EYA1: variants seen among roughly 807,000 people sequenced by gnomAD.
EYA1 encodes protein phosphatase EYA1.
In EYA1, 16 loss-of-function variants were observed where a neutral mutation model predicts 82.0. The observed-to-expected ratio is 0.20, with a 90% CI of 0.13 to 0.30. The LOEUF is 0.30. EYA1 is among the 10% of genes least tolerant of loss of function. EYA1 has a pLI of 1.00. For synonymous variants in EYA1, 261 were observed against 264.4 expected (o/e 0.99, Z 0.12); for missense variants, 633 against 730.7 (o/e 0.87, Z 1.54).
intron 2 of EYA1, among the ~76,000 whole-genome samples, chr8:71,474,770 C>T (rs540963768): frequency 1.1e-4 from 16 of 152,056 alleles, no homozygotes; most frequent in Non-Finnish European, 2.1e-4. Flanking sequence ...ACATGTTTAG[C>T]AACAGGGGAC....
rs556668567 is a variant in EYA1 at position 71,347,908 on chromosome 8, C to A, written c.124+6874G>T. 1.9e-3 allele frequency among the ~76,000 whole-genome samples: 210 copies of A among 109,828 alleles called. 1 individual carries two copies. Among genetic ancestry groups the A allele is most frequent in the African/African-American group, 4.9e-3 (120 of 24,678 alleles). The allele number at this position is 109,828 out of a possible 152,430, so 72.1% of individuals were successfully genotyped here. A position where few individuals can be genotyped will look rare whatever the true frequency, so the allele number is the denominator to read the frequency against. On this transcript the variant is annotated intron_variant, in intron 3 of 17. Coordinates refer to ENST00000340726, the MANE Select transcript of EYA1 (RefSeq NM_000503.6). Reference sequence around the variant, plus strand: ...TGCAAAAAAAAAAAAAAAAAAAAAACCCCAAATCTGTAAAACTAGCAAATT... The same window carrying A: ...TGCAAAAAAAAAAAAAAAAAAAAAAACCCAAATCTGTAAAACTAGCAAATT...
intron 9 of EYA1, among the ~76,000 whole-genome samples, chr8:71,281,127 G>A (rs1817769276): frequency 6.6e-6 from 1 of 152,174 alleles, no homozygotes; most frequent in Admixed American, 6.5e-5. Flanking sequence ...TCAATTTGAA[G>A]TAGCTATAAA....
chr8:71,523,266 C>T (rs934766368), intron 2 of EYA1, among the ~76,000 whole-genome samples: 6 of 149,690 alleles, frequency 4.0e-5, no homozygotes, highest in Non-Finnish European at 8.9e-5. Context: ...GCAAGCTCCG[C>T]CTCCCAGGTT....
intron 7 of EYA1, among the ~76,000 whole-genome samples, chr8:71,307,321 TA>T (rs1258218300): frequency 1.3e-5 from 2 of 152,188 alleles, no homozygotes; most frequent in African/African-American, 4.8e-5. Flanking sequence ...TTTTATTTTT[TA>T]GAGACAATGT....
At chr8:71,208,589 G>C (rs1174293480) in intron 17 of EYA1, among the ~76,000 whole-genome samples, 1 of 152,086 alleles carries the variant, frequency 6.6e-6, no homozygotes, top group Non-Finnish European at 1.5e-5. Context: ...AAGCTGTCAG[G>C]ATTAGAATCT....
At chr8:71,546,221 G>A (rs959903654) in intron 1 of EYA1, among the ~76,000 whole-genome samples, 4 of 152,030 alleles carry the variant, frequency 2.6e-5, no homozygotes, top group Non-Finnish European at 5.9e-5. Flanking sequence ...TTCCCCATCC[G>A]AGTACCAGTC....
intron 2 of EYA1, among the ~76,000 whole-genome samples, chr8:71,505,045 C>T (rs1812087653): frequency 6.6e-6 from 1 of 152,150 alleles, no homozygotes; most frequent in African/African-American, 2.4e-5. Flanking sequence ...AATGATCTGC[C>T]CGCCTTGGCC....
At chr8:71,254,481 T>C (rs1384876487) in intron 11 of EYA1, among the ~76,000 whole-genome samples, 1 of 152,108 alleles carries the variant, frequency 6.6e-6, no homozygotes, top group Non-Finnish European at 1.5e-5. Context: ...CTATAGATTA[T>C]AGACACTTAG....
intron 3 of EYA1, among the ~76,000 whole-genome samples, chr8:71,346,448 A>ATATATC (rs1825741680): frequency 7.4e-6 from 1 of 135,284 alleles, no homozygotes; most frequent in Non-Finnish European, 1.5e-5. Context: ...ATATATATAT[A>ATATATC]TATATATCTA....
intron 2 of EYA1, among the ~76,000 whole-genome samples, chr8:71,368,637 T>C (rs920466664): frequency 5.9e-5 from 9 of 152,222 alleles, no homozygotes; most frequent in African/African-American, 1.7e-4. Context: ...GCAGACTTTA[T>C]GCATTTTAAA....
At chr8:71,286,645 G>A (rs1818401899) in intron 9 of EYA1, among the ~76,000 whole-genome samples, 1 of 152,074 alleles carries the variant, frequency 6.6e-6, no homozygotes, top group South Asian at 2.1e-4. Context: ...CCCAATCAGG[G>A]AAGATTCCCA....
chr8:71,399,476 T>C (rs1240886249), intron 2 of EYA1, among the ~76,000 whole-genome samples: 1 of 152,182 alleles, frequency 6.6e-6, no homozygotes, highest in Non-Finnish European at 1.5e-5. Flanking sequence ...ATGTGACATA[T>C]CTTTGTTTTA....
At chr8:71,421,831 C>G (rs1831164545) in intron 2 of EYA1, among the ~76,000 whole-genome samples, 1 of 152,208 alleles carries the variant, frequency 6.6e-6, no homozygotes, top group African/African-American at 2.4e-5. Flanking sequence ...GCTGCTGCCA[C>G]TGCACCTGCA....
chr8:71,528,124 A>G (rs1813956558), intron 2 of EYA1, among the ~76,000 whole-genome samples: 1 of 152,174 alleles, frequency 6.6e-6, no homozygotes, highest in South Asian at 2.1e-4. Flanking sequence ...ACACTCCTGC[A>G]TGTTAAGAGT....
intron 2 of EYA1, among the ~76,000 whole-genome samples, chr8:71,451,853 G>C (rs1807405736): frequency 6.6e-6 from 1 of 152,220 alleles, no homozygotes; most frequent in African/African-American, 2.4e-5. Flanking sequence ...CGACGCAGAA[G>C]ACGGGTGATT....
intron 2 of EYA1, among the ~76,000 whole-genome samples, chr8:71,521,697 A>C (rs1488935788): frequency 3.9e-5 from 6 of 152,144 alleles, no homozygotes; most frequent in Non-Finnish European, 7.4e-5. Context: ...CCCAAATGCA[A>C]AAAAATGTTA....
At position 71,198,066 on chromosome 8, in the gene EYA1, G is replaced by A. The variant is rs1033553876; in HGVS notation, c.*1274C>T. 2 of 152,128 alleles carry A rather than the reference G, an allele frequency of 1.3e-5. No individual in the cohort carries two copies. Among genetic ancestry groups the A allele is most frequent in the Admixed American group, 6.5e-5 (1 of 15,272 alleles). The allele number at this position is 152,128 out of a possible 1,614,324, so 9.4% of individuals were successfully genotyped here. On this transcript the variant is annotated 3_prime_UTR_variant, in exon 18 of 18. Transcript: ENST00000340726. Reference sequence around the variant, plus strand: ...AGTAATGCAAAGTTTGCTGATTTCCGGATTAGCATCGTGTGTCTTCCTTTA... The same window carrying A: ...AGTAATGCAAAGTTTGCTGATTTCCAGATTAGCATCGTGTGTCTTCCTTTA...
At chr8:71,307,076 C>T (rs1820811168) in intron 7 of EYA1, among the ~76,000 whole-genome samples, 1 of 152,114 alleles carries the variant, frequency 6.6e-6, no homozygotes, top group Non-Finnish European at 1.5e-5. Flanking sequence ...GGTGTGGGGA[C>T]AGGTGAGGAC....
intron 2 of EYA1, among the ~76,000 whole-genome samples, chr8:71,387,607 G>A (rs1001928139): frequency 6.6e-6 from 1 of 152,134 alleles, no homozygotes; most frequent in African/African-American, 2.4e-5. Flanking sequence ...GAACAGCAAT[G>A]CTGACGGCAC....
Sources: gnomAD v4.1 joint callset for allele counts (sites outside exome capture counted in the v4.1 genomes callset) on GRCh38, gnomAD v4.1.1 for gene constraint, MANE v1.5 for transcripts, NCBI Gene and HGNC (gene_info 2026-07-23, HGNC 2026-07-21) for gene names.